Variants in FLAD1 observed in about 807,000 individuals in gnomAD.
FLAD1 encodes the protein flavin adenine dinucleotide synthetase 1, also known as bifunctional FAD diphosphatase/FAD synthase.
FLAD1 carries 35 observed loss-of-function variants against 55.0 expected under a neutral mutation model. The observed-to-expected ratio is 0.64, with a 90% CI of 0.49 to 0.84. The LOEUF is 0.84. Ranked by LOEUF, FLAD1 falls within the 40% of genes least tolerant of loss-of-function variation. FLAD1 has a pLI of 0.00. For synonymous variants in FLAD1, 267 were observed against 303.0 expected, an observed-to-expected ratio of 0.88 and a Z score of 1.23; for missense variants, 665 against 742.6, an observed-to-expected ratio of 0.90 and a Z score of 1.21.
At position 154,992,777 on chromosome 1, in the gene FLAD1, A is replaced by G. The variant is rs1299471459; in HGVS notation, c.1619A>G (p.Tyr540Cys). 12 of 1,614,070 alleles carry G rather than the reference A, an allele frequency of 7.4e-6. No homozygotes were observed. The highest frequency in any genetic ancestry group is 9.3e-6 in the Non-Finnish European group (11 of 1,180,036). Residue 540 changes from tyrosine to cysteine, a missense_variant, in exon 6 of 7, where the codon TAT (tyrosine) becomes TGT (cysteine). Transcript: ENST00000292180. ...RQLFVPYCIL[Y>C]DRGYTSLGSR... ...CTGTTTGTCCCATACTGTATCCTGT[A>G]TGACCGAGGGTAAGGGTATTAGGGG...
intron 2 of FLAD1, chr1:154,989,119 G>A: frequency 2.6e-6 from 2 of 761,556 alleles, no homozygotes; most frequent in Non-Finnish European, 4.1e-6. Flanking sequence ...CATTAAACAG[G>A]TGATCCTGCA....
At position 154,988,526 on chromosome 1, in the gene FLAD1, TG is replaced by T. The variant is rs755718337; in HGVS notation, c.796del (p.Glu266ArgfsTer3). ...PGIPELLRRV[L>X]EGMKGLFQNP... ...ATTCCAGAGCTGCTGCGGCGGGTGC[TG>T]GAGGGGATGAAGGGACTATTCCAAA... On this transcript the variant is annotated frameshift_variant, in exon 2 of 7. Coordinates refer to ENST00000292180, the MANE Select transcript of FLAD1 (RefSeq NM_025207.5). LOFTEE classifies it high-confidence loss of function. 1 of 1,614,216 alleles carries T rather than the reference TG, an allele frequency of 6.2e-7. No homozygotes were observed. Among genetic ancestry groups the T allele is most frequent in the Admixed American group, 1.7e-5 (1 of 60,028 alleles).
intron 1 of FLAD1, among the ~76,000 whole-genome samples, chr1:154,985,716 A>ATTT (rs34387427): frequency 3.3e-4 from 25 of 75,484 alleles, no homozygotes; most frequent in African/African-American, 9.7e-4. Flanking sequence ...CCTGACCCCA[A>ATTT]TTTTTTTTTT....
At chr1:154,985,250 T>TA (rs1304388160) in intron 1 of FLAD1, among the ~76,000 whole-genome samples, 1 of 149,712 alleles carries the variant, frequency 6.7e-6, no homozygotes, top group East Asian at 1.9e-4. Context: ...TTTTTTTTTT[T>TA]AGATAGTCTC....
At chr1:154,990,071 C>T in intron 3 of FLAD1, 88 bp from the exon 4 acceptor site, 17 of 1,089,786 alleles carry the variant, frequency 1.6e-5, no homozygotes, top group Non-Finnish European at 2.2e-5. Context: ...AGAGTCTGTC[C>T]TAGGGGCCAA....
Position 154,992,957 on chromosome 1 carries a change from C to G in FLAD1, c.1684C>G (p.Leu562Val). ...CGTGCGGAACCCGGCCCTGAAGTGC[C>G]TGAGCCCAGGAGGACACCCCACATA... The part of the protein sequence containing the change: ...NTVRNPALKC[L>V]SPGGHPTYRP... The change falls in exon 7 of 7, where the codon CTG becomes GTG. Residue 562 changes from leucine to valine, a missense_variant. Physicochemically the swap from Leu to Val is conservative, Grantham distance 32. Transcript: ENST00000292180. The G allele has an allele frequency of 5.0e-6, 8 of 1,614,072 alleles. No homozygotes were observed. Among genetic ancestry groups the G allele is most frequent in the Non-Finnish European group, 6.8e-6 (8 of 1,179,992 alleles).
chr1:154,992,219 C>T (rs915602018), intron 5 of FLAD1, among the ~76,000 whole-genome samples: 5 of 150,716 alleles, frequency 3.3e-5, no homozygotes, highest in East Asian at 2.0e-4. Context: ...CCGTGGCGGG[C>T]GGATCATGAA....
At chr1:154,991,062 A>T (rs561919195) in intron 5 of FLAD1, 1 of 151,646 alleles carries the variant, frequency 6.6e-6, no homozygotes, top group African/African-American at 2.4e-5. Flanking sequence ...AAATACAAAA[A>T]ATTAGCCAGG....
intron 1 of FLAD1, among the ~76,000 whole-genome samples, chr1:154,985,296 C>T (rs1657532455): frequency 2.0e-5 from 3 of 147,758 alleles, no homozygotes; most frequent in Admixed American, 6.8e-5. Context: ...TTGGTGGGAT[C>T]TCAGCTGACT....
At position 154,990,442 on chromosome 1, in the gene FLAD1, C is replaced by T. The variant is rs1183049992; in HGVS notation, c.1468C>T (p.Arg490Trp). 5.0e-6 allele frequency: 8 copies of T among 1,614,056 alleles called. No individual in the cohort carries two copies. In the South Asian group the frequency reaches 5.5e-5, roughly 11 times the overall value. ...QLEAVLMGTR[R>W]TDPYSCSLCP... ...GGAGGCTGTCCTTATGGGCACCCGCCGGACTGACCCCTACTCCTGTAGCCT... is the reference window on the plus strand; with the variant it reads ...GGAGGCTGTCCTTATGGGCACCCGCTGGACTGACCCCTACTCCTGTAGCCT... The change falls in exon 5 of 7, where the codon CGG becomes TGG. Residue 490 changes from arginine (R) to tryptophan (W), a missense_variant. Coordinates refer to ENST00000292180, the MANE Select transcript of FLAD1 (RefSeq NM_025207.5).
chr1:154,984,124 G>C (rs1467218122), intron 1 of FLAD1, 58 bp downstream of exon 1: 22 of 1,395,012 alleles, frequency 1.6e-5, no homozygotes, highest in Non-Finnish European at 2.1e-5. Context: ...TTAAGGGCCT[G>C]CTGCACATCC....
intron 2 of FLAD1, chr1:154,989,110 A>G (rs1339803110): frequency 1.9e-5 from 15 of 807,708 alleles, no homozygotes; most frequent in Non-Finnish European, 1.1e-5. Context: ...AAAGATGGAC[A>G]TTAAACAGGT....
Position 154,983,973 on chromosome 1 carries a change from A to G in FLAD1, c.279A>G (p.Arg93=). The G allele has an allele frequency of 6.4e-7, 1 of 1,563,966 alleles. No homozygotes were observed. The highest frequency in any genetic ancestry group is 2.3e-5 in the East Asian group (1 of 44,420). ...GGYWRALQRG[R]EGRTMTSRAS... ...ACTGGAGGGCCTTGCAGAGGGGCAG[A>G]GAAGGCAGGACCATGACATCTAGGG... Residue 93 remains arginine, a synonymous_variant, in exon 1 of 7, where the codon AGA becomes AGG. Transcript: ENST00000292180.
At chr1:154,985,238 G>GT (rs113094117) in intron 1 of FLAD1, among the ~76,000 whole-genome samples, 16,346 of 125,348 alleles carry the variant, frequency 0.13, 2,215 homozygotes, top group African/African-American at 0.35. Context: ...TGTTTTTTTT[G>GT]TTTTTTTTTT....
intron 1 of FLAD1, among the ~76,000 whole-genome samples, chr1:154,986,704 CTTTTT>C (rs776649473): frequency 1.1e-5 from 1 of 91,700 alleles, no homozygotes; most frequent in Non-Finnish European, 2.1e-5. Flanking sequence ...GCCCCCCACC[CTTTTT>C]TTTTTTTTTT....
intron 5 of FLAD1, among the ~76,000 whole-genome samples, chr1:154,991,895 C>A (rs964774201): frequency 6.6e-5 from 10 of 151,890 alleles, no homozygotes; most frequent in Admixed American, 1.3e-4. Context: ...GTAATCCCAG[C>A]ACTTTGGGAG....
At chr1:154,986,019 C>CTGTG (rs57098553) in intron 1 of FLAD1, among the ~76,000 whole-genome samples, 11,113 of 143,002 alleles carry the variant, frequency 0.078, 437 homozygotes, top group Admixed American at 0.089. Context: ...CTGCGCCCGG[C>CTGTG]TGTGTGTGTG....
chr1:154,988,396 T>C lies in FLAD1; in HGVS notation c.664T>C (p.Leu222=). ...LGGEGWEKLS[L]VPSSARLHYG... ...AGGGGAAGGCTGGGAGAAGCTATCA[T>C]TGGTGCCCTCCTCTGCCCGCCTGCA... is the stretch of plus-strand genomic sequence containing the variant. The change falls in exon 2 of 7, where the codon TTG becomes CTG. Residue 222 remains leucine, a synonymous_variant. Transcript: ENST00000292180. 6.2e-7 allele frequency: 1 copy of C among 1,614,156 alleles called. No homozygotes were observed. Among genetic ancestry groups the C allele is most frequent in the Non-Finnish European group, 8.5e-7 (1 of 1,180,020 alleles).
At position 154,992,985 on chromosome 1, in the gene FLAD1, G is replaced by A. The variant is rs201824694; in HGVS notation, c.1712G>A (p.Arg571His). ...CLSPGGHPTY[R>H]PAYLLENEEE... The stretch of plus-strand genomic sequence containing the variant: ...AGCCCAGGAGGACACCCCACATACC[G>A]TCCAGCCTATCTACTGGAGAACGAA... The change falls in exon 7 of 7, where the codon CGT becomes CAT. Residue 571 changes from arginine (R) to histidine (H), a missense_variant. Transcript: ENST00000292180. The A allele has an allele frequency of 6.6e-5, 107 of 1,614,052 alleles. No homozygotes were observed. The highest frequency in any genetic ancestry group is 8.1e-5 in the Non-Finnish European group (96 of 1,179,996).
Sources: allele counts gnomAD v4.1 joint callset (sites outside exome capture counted in the v4.1 genomes callset), GRCh38; gene constraint gnomAD v4.1.1; transcripts MANE v1.5; gene names NCBI Gene and HGNC (gene_info 2026-07-23, HGNC 2026-07-21).